Variants in CPT1A observed in about 807,000 individuals in gnomAD.
CPT1A encodes the protein carnitine O-palmitoyltransferase 1, liver isoform.
CPT1A carries 64 observed loss-of-function variants against 100.8 expected under a neutral mutation model. The observed-to-expected ratio is 0.63, with a 90% confidence interval of 0.52 to 0.78. The LOEUF (loss-of-function observed/expected upper bound fraction) is 0.78, where lower values mean the gene tolerates loss of function less well. Ranked by LOEUF, CPT1A falls within the 30% of genes least tolerant of loss-of-function variation. CPT1A has a pLI of 0.00. For synonymous variants in CPT1A, 363 were observed against 396.0 expected, an observed-to-expected ratio of 0.92 and a Z score of 0.99; for missense variants, 802 against 1,034.1, an observed-to-expected ratio of 0.78 and a Z score of 3.08.
chr11:68,776,960 A>C (rs1338811708), intron 12 of CPT1A, among the ~76,000 whole-genome samples: 4 of 152,172 alleles, frequency 2.6e-5, no homozygotes, highest in Non-Finnish European at 5.9e-5. Context: ...AAAAACAACA[A>C]CACAAGGTCG....
chr11:68,778,605 A>T (rs1234897024), intron 12 of CPT1A, among the ~76,000 whole-genome samples: 1 of 151,458 alleles, frequency 6.6e-6, no homozygotes, highest in Non-Finnish European at 1.5e-5. Flanking sequence ...CTGAGGCAGG[A>T]GAATCACTTG....
In CPT1A at chr11:68,757,508, C is replaced by A. The variant is rs2153994492; in HGVS notation, c.*136G>T. On this transcript the variant is annotated 3_prime_UTR_variant, in exon 19 of 19. Coordinates refer to ENST00000265641, the MANE Select transcript of CPT1A (RefSeq NM_001876.4). Reference sequence around the variant, plus strand: ...GATACTGTTCTAGGAAAAAAAAACACCCACATTTTCTGGAAGGAAAACTGA... The same window carrying A: ...GATACTGTTCTAGGAAAAAAAAACAACCACATTTTCTGGAAGGAAAACTGA... 1.3e-6 allele frequency: 2 copies of A among 1,529,734 alleles called. No individual in the cohort carries two copies. Among genetic ancestry groups the A allele is most frequent in the East Asian group, 2.5e-5 (1 of 40,692 alleles). 94.8% of individuals were successfully genotyped at this position (1,529,734 alleles called of 1,614,324 possible).
intron 14 of CPT1A, 36 bp from the exon 15 acceptor site, chr11:68,762,797 C>G (rs780165341): frequency 1.2e-6 from 2 of 1,613,344 alleles, no homozygotes; most frequent in Non-Finnish European, 1.7e-6. Flanking sequence ...CACGGCAGGG[C>G]ATGCTGATAT....
Position 68,841,578 on chromosome 11 carries a change from C to T in CPT1A, c.-14+197G>A, listed in dbSNP as rs1370999168. ...AATCCCCTGGGGAACATGGGGAGCC[C>T]CGGCCTCTTTCTGGGTTCAGGATCT... On this transcript the variant is annotated intron_variant, in intron 1 of 18. Transcript: ENST00000265641. This position sits in a 1 kb window ranked among gnomAD's most constrained non-coding sequence, Gnocchi z 6.3. 6.6e-6 allele frequency among the ~76,000 whole-genome samples: 1 copy of T among 152,152 alleles called. No individual in the cohort carries two copies. Among genetic ancestry groups the T allele is most frequent in the Non-Finnish European group, 1.5e-5 (1 of 68,000 alleles).
rs756401626 is a variant in CPT1A, at chr11:68,760,342, T to C, written c.2029-4A>G. On this transcript the variant is annotated splice_region_variant and splice_polypyrimidine_tract_variant and intron_variant, in intron 16 of 18. Transcript: ENST00000265641. ...ATCTCCAAGGCTCAGATAAAACCTATTGAGTGAAACAGGGAAATGTTTCCT... is the reference window on the plus strand; with the variant it reads ...ATCTCCAAGGCTCAGATAAAACCTACTGAGTGAAACAGGGAAATGTTTCCT... 5 of 1,605,452 alleles carry C rather than the reference T, an allele frequency of 3.1e-6. No homozygotes were observed. Among genetic ancestry groups the C allele is most frequent in the Non-Finnish European group, 3.4e-6 (4 of 1,175,020 alleles).
At chr11:68,813,356 T>C (rs912931419) in intron 2 of CPT1A, among the ~76,000 whole-genome samples, 3 of 151,466 alleles carry the variant, frequency 2.0e-5, no homozygotes, top group African/African-American at 4.8e-5. Flanking sequence ...CATGGTGAAA[T>C]CCTGTTTCTA....
At chr11:68,831,767 G>A (rs911949822) in intron 1 of CPT1A, among the ~76,000 whole-genome samples, 1 of 151,772 alleles carries the variant, frequency 6.6e-6, no homozygotes, top group Non-Finnish European at 1.5e-5. Context: ...CCCAGGAGCT[G>A]GAATTACAGG....
intron 14 of CPT1A, among the ~76,000 whole-genome samples, chr11:68,770,548 A>C (rs996070490): frequency 3.9e-5 from 6 of 152,230 alleles, no homozygotes; most frequent in African/African-American, 1.4e-4. Flanking sequence ...TTAAGGAAAG[A>C]GCCCTATTAC....
At chr11:68,817,980 G>A (rs1285015956) in intron 1 of CPT1A, among the ~76,000 whole-genome samples, 2 of 152,020 alleles carry the variant, frequency 1.3e-5, no homozygotes, top group Non-Finnish European at 2.9e-5. Context: ...AGGTGGCAGG[G>A]TTTTGTGCTA....
intron 9 of CPT1A, among the ~76,000 whole-genome samples, chr11:68,786,877 C>T (rs1855477368): frequency 6.6e-6 from 1 of 152,162 alleles, no homozygotes; most frequent in African/African-American, 2.4e-5. Flanking sequence ...TGCAGGAGAC[C>T]TGCTTTGGTT....
chr11:68,840,094 T>TG (rs1857121977), intron 1 of CPT1A, among the ~76,000 whole-genome samples: 1 of 152,200 alleles, frequency 6.6e-6, no homozygotes, highest in Non-Finnish European at 1.5e-5. Flanking sequence ...GTAATTTACA[T>TG]GCGAAAAGCA....
At chr11:68,781,465 C>T (rs1855309155) in intron 11 of CPT1A, among the ~76,000 whole-genome samples, 1 of 151,968 alleles carries the variant, frequency 6.6e-6, no homozygotes, top group Non-Finnish European at 1.5e-5. Context: ...ACTAAAAATA[C>T]AAAAATTAGC....
chr11:68,840,023 C>G (rs1202981811), intron 1 of CPT1A, among the ~76,000 whole-genome samples: 1 of 152,198 alleles, frequency 6.6e-6, no homozygotes, highest in African/African-American at 2.4e-5. Flanking sequence ...TTGATTCCAA[C>G]TGTTAAGATA....
rs1022532363 is a variant in CPT1A, at chr11:68,837,783, G to A, written c.-14+3992C>T. Among the ~76,000 whole-genome samples the A allele has an allele frequency of 6.6e-5, 10 of 152,078 alleles. No homozygotes were observed. The East Asian group carries it at 9.6e-4, about 15-fold the overall frequency. On this transcript the variant is annotated intron_variant, in intron 1 of 18. Transcript: ENST00000265641. The stretch of plus-strand genomic sequence containing the variant: ...GAGGCCAAGAGTGCACTATGATTGC[G>A]CCACGGCACTCCAGCCTGGACAACA...
chr11:68,807,706 G>GTTGCAGGGTCC, intron 3 of CPT1A, 68 bp from the exon 4 acceptor site: 2 of 1,497,506 alleles, frequency 1.3e-6, no homozygotes, highest in Non-Finnish European at 1.8e-6. Flanking sequence ...CACCACCGGT[G>GTTGCAGGGTCC]ACGCCACAGA....
At chr11:68,829,865 T>C (rs1379424767) in intron 1 of CPT1A, among the ~76,000 whole-genome samples, 2 of 151,888 alleles carry the variant, frequency 1.3e-5, no homozygotes, top group Non-Finnish European at 2.9e-5. Flanking sequence ...TCTGGCATTG[T>C]CATGGGGCCG....
At chr11:68,766,858 C>T (rs1043467029) in intron 14 of CPT1A, among the ~76,000 whole-genome samples, 9 of 151,376 alleles carry the variant, frequency 5.9e-5, no homozygotes, top group African/African-American at 1.7e-4. Flanking sequence ...AAAAAGGAAA[C>T]TTCACAACAT....
chr11:68,835,050 T>A (rs925952318), intron 1 of CPT1A, among the ~76,000 whole-genome samples: 54 of 151,280 alleles, frequency 3.6e-4, no homozygotes, highest in African/African-American at 1.2e-3. Flanking sequence ...GTGCACCACG[T>A]CAATAAGTAA....
At chr11:68,815,544 AC>A (rs1856362129) in intron 1 of CPT1A, 57 bp from the exon 2 acceptor site, 1 of 1,547,190 alleles carries the variant, frequency 6.5e-7, no homozygotes. Flanking sequence ...ACACTAAAAA[AC>A]CCTCATACAG....
Sources: allele counts gnomAD v4.1 joint callset (sites outside exome capture counted in the v4.1 genomes callset), GRCh38; gene constraint gnomAD v4.1.1; non-coding constraint Gnocchi (gnomAD v3.1); transcripts MANE v1.5; gene names NCBI Gene and HGNC (gene_info 2026-07-23, HGNC 2026-07-21).